Variants in PPP5C observed in about 807,000 individuals in gnomAD.
The protein encoded by PPP5C is protein phosphatase 5 catalytic subunit, also known as serine/threonine-protein phosphatase 5.
Under a neutral mutation model 66.7 loss-of-function variants are expected in PPP5C, and 21 were observed. That is an observed-to-expected ratio of 0.31 (90% CI 0.22 to 0.45). The LOEUF (loss-of-function observed/expected upper bound fraction) is 0.45, where lower values mean the gene tolerates loss of function less well. Among genes scored for constraint, PPP5C ranks in the 20% least tolerant of loss-of-function variants. The pLI, the probability that PPP5C is intolerant of heterozygous loss-of-function variation, is 1.00. For synonymous variants in PPP5C, 246 were observed against 257.4 expected (o/e 0.96, Z 0.43); for missense variants, 464 against 675.9 (o/e 0.69, Z 3.48).
chr19:46,386,845 C>T lies in PPP5C; in HGVS notation c.905-248C>T, dbSNP rs570841012. 43 of 571,890 alleles carry T rather than the reference C, an allele frequency of 7.5e-5. No individual in the cohort carries two copies. In the South Asian group the frequency reaches 8.1e-4, roughly 11 times the overall value. 35.4% of individuals were successfully genotyped at this position (571,890 alleles called of 1,614,324 possible). On this transcript the variant is annotated intron_variant, in intron 7 of 12. Transcript: ENST00000012443. Reference sequence around the variant, plus strand: ...CAGGCTGGTCTCAAATTGCTGGGCTCAAGCAGTTCTGCCTTGGCTTCCCAA... The same window carrying T: ...CAGGCTGGTCTCAAATTGCTGGGCTTAAGCAGTTCTGCCTTGGCTTCCCAA...
chr19:46,389,691 T>A (rs1032247415), intron 11 of PPP5C, among the ~76,000 whole-genome samples: 1 of 151,978 alleles, frequency 6.6e-6, no homozygotes, highest in East Asian at 1.9e-4. Context: ...GCTGACTGCA[T>A]CCCCGTGGTG....
At chr19:46,384,777 C>T in intron 6 of PPP5C, 27 bp from the exon 7 acceptor site, 1 of 1,573,600 alleles carries the variant, frequency 6.4e-7, no homozygotes, top group South Asian at 1.1e-5. Flanking sequence ...CCCCTCCACG[C>T]TTGCCATGTT....
Position 46,376,405 on chromosome 19 carries a change from A to T in PPP5C, c.512-48A>T. On this transcript the variant is annotated intron_variant, in intron 3 of 12. Coordinates refer to ENST00000012443, the MANE Select transcript of PPP5C (RefSeq NM_006247.4). This position sits in a 1 kb window ranked among gnomAD's most constrained non-coding sequence, Gnocchi z 5.1. The stretch of plus-strand genomic sequence containing the variant: ...TGGGAGCGAGACCCCCTTCTCCCTC[A>T]TAGTGGCTGTGGTCACTGACTCTCG... 6.2e-7 allele frequency: 1 copy of T among 1,604,016 alleles called. No homozygotes were observed. The highest frequency in any genetic ancestry group is 8.5e-7 in the Non-Finnish European group (1 of 1,173,800).
rs1399578291 is a variant in PPP5C at position 46,376,832 on chromosome 19, G to T, written c.633+258G>T. 4 of 405,736 alleles carry T rather than the reference G, an allele frequency of 9.9e-6. No individual in the cohort carries two copies. In the East Asian group the frequency reaches 2.1e-4, roughly 21 times the overall value. 25.1% of individuals were successfully genotyped at this position (405,736 alleles called of 1,614,324 possible). On this transcript the variant is annotated intron_variant, in intron 4 of 12. Transcript: ENST00000012443. This position sits in a 1 kb window ranked among gnomAD's most constrained non-coding sequence, Gnocchi z 5.1. ...CCAGAGAGGTCAGGTGACTGGCCCA[G>T]GGTGAAAGGTGAGGAAGCAGTAGAG...
chr19:46,361,350 C>T (rs1415653244), intron 2 of PPP5C, among the ~76,000 whole-genome samples: 2 of 149,796 alleles, frequency 1.3e-5, no homozygotes, highest in Admixed American at 6.6e-5. Context: ...AGGATGGTCT[C>T]AATCTCTTGA....
At chr19:46,387,602 G>A in intron 9 of PPP5C, 149 bp downstream of exon 9, 1 of 1,542,680 alleles carries the variant, frequency 6.5e-7, no homozygotes, top group Non-Finnish European at 8.7e-7. Context: ...CCTGCGACTT[G>A]GGCCAGTGCA....
At chr19:46,386,019 G>A (rs546504987) in intron 7 of PPP5C, among the ~76,000 whole-genome samples, 81 of 152,236 alleles carry the variant, frequency 5.3e-4, no homozygotes, top group African/African-American at 1.9e-3. Context: ...ACACAGGTGT[G>A]AGACAAAGAG....
chr19:46,387,810 C>A, intron 9 of PPP5C: 1 of 1,066,404 alleles, frequency 9.4e-7, no homozygotes, highest in Non-Finnish European at 1.2e-6. Context: ...CACGCACGTG[C>A]ACACTGTGAG....
intron 2 of PPP5C, among the ~76,000 whole-genome samples, chr19:46,374,047 A>G (rs1972646304): frequency 6.6e-6 from 1 of 151,726 alleles, no homozygotes; most frequent in South Asian, 2.1e-4. Context: ...GCACATAACC[A>G]CTCCTCATTG....
chr19:46,385,449 G>A (rs1972865916), intron 7 of PPP5C, among the ~76,000 whole-genome samples: 1 of 152,142 alleles, frequency 6.6e-6, no homozygotes, highest in Admixed American at 6.5e-5. Flanking sequence ...TTTGAGACCA[G>A]CCTGGGCAAC....
rs895774974 is a variant in PPP5C at position 46,388,338 on chromosome 19, G to C, written c.1136-70G>C. 9 of 1,516,128 alleles carry C rather than the reference G, an allele frequency of 5.9e-6. No individual in the cohort carries two copies. Among genetic ancestry groups the C allele is most frequent in the Non-Finnish European group, 7.2e-6 (8 of 1,117,300 alleles). The allele number at this position is 1,516,128 out of a possible 1,614,324, so 93.9% of individuals were successfully genotyped here. On this transcript the variant is annotated intron_variant, in intron 9 of 12. Transcript: ENST00000012443. This position sits in a 1 kb window ranked among gnomAD's most constrained non-coding sequence, Gnocchi z 4.9. ...TGGGGTCAGCACCTGGCCGGGCCAG[G>C]AGGTGGCCTGTGAGTGACCACCCCC... is the stretch of plus-strand genomic sequence containing the variant.
In PPP5C at chr19:46,390,396, A is replaced by G. The variant is rs1836653456; in HGVS notation, c.*50A>G. ...CCCAGGGCCCCTCCAATCCCACCGG[A>G]CCCAGGCCCTGGGCTAGGGGCAGAG... On this transcript the variant is annotated 3_prime_UTR_variant, in exon 13 of 13. Coordinates refer to ENST00000012443, the MANE Select transcript of PPP5C (RefSeq NM_006247.4). The G allele has an allele frequency of 6.4e-7, 1 of 1,551,306 alleles. No homozygotes were observed. The highest frequency in any genetic ancestry group is 8.7e-7 in the Non-Finnish European group (1 of 1,147,400).
At chr19:46,386,531 A>G (rs879932172) in intron 7 of PPP5C, among the ~76,000 whole-genome samples, 5 of 151,666 alleles carry the variant, frequency 3.3e-5, no homozygotes, top group Non-Finnish European at 7.4e-5. Flanking sequence ...GGAAGGGAAG[A>G]AGGAGGCCGG....
rs193182572 is a variant in PPP5C at position 46,390,533 on chromosome 19, G to A, written c.*187G>A. ...GGCAGAGTCAGGGGCTGGCCAGAGG[G>A]TCTGCTCCCTGGACAGAGAGGAAGG... is the stretch of plus-strand genomic sequence containing the variant. On this transcript the variant is annotated 3_prime_UTR_variant, in exon 13 of 13. Transcript: ENST00000012443. The A allele has an allele frequency of 1.4e-6, 2 of 1,438,408 alleles. No homozygotes were observed. Among genetic ancestry groups the A allele is most frequent in the African/African-American group, 2.8e-5 (2 of 70,286 alleles). 89.1% of individuals were successfully genotyped at this position (1,438,408 alleles called of 1,614,324 possible).
intron 2 of PPP5C, among the ~76,000 whole-genome samples, chr19:46,360,753 C>T (rs1047940041): frequency 4.6e-5 from 7 of 152,164 alleles, no homozygotes; most frequent in Non-Finnish European, 8.8e-5. Flanking sequence ...GCTTCAGCCT[C>T]CCAAAGTGCC....
Position 46,387,457 on chromosome 19 carries a change from AGCAGCGCGGG to A in PPP5C, c.1135+7_1135+16del. On this transcript the variant is annotated splice_donor_5th_base_variant and intron_variant, in intron 9 of 12. Transcript: ENST00000012443. ...AATCGACAACCCCCAGATTCAGGTG[AGCAGCGCGGG>A]GCCAGGTGTCTCCAGCAGAAAGGGG... 6.2e-7 allele frequency: 1 copy of A among 1,614,028 alleles called. No individual in the cohort carries two copies. The highest frequency in any genetic ancestry group is 8.5e-7 in the Non-Finnish European group (1 of 1,179,898).
At chr19:46,347,563 C>T (rs1972105290) in intron 1 of PPP5C, among the ~76,000 whole-genome samples, 1 of 148,194 alleles carries the variant, frequency 6.7e-6, no homozygotes. Context: ...ATTGATGGCG[C>T]TACCAAATGG....
chr19:46,386,709 C>T, intron 7 of PPP5C: 1 of 279,926 alleles, frequency 3.6e-6, no homozygotes, highest in South Asian at 4.3e-5. Context: ...GCTTCGTGGG[C>T]TCAAGTGATC....
At position 46,377,368 on chromosome 19, in the gene PPP5C, G is replaced by T. The variant is rs185194569; in HGVS notation, c.633+794G>T. Among the ~76,000 whole-genome samples the T allele has an allele frequency of 1.7e-4, 26 of 152,342 alleles. No homozygotes were observed. The East Asian group carries it at 3.3e-3, about 19-fold the overall frequency. ...CATACTGTCTCCACCAAGGGCTGTT[G>T]TAAGGAGTAACTGCGTGTAATCCAC... is the stretch of plus-strand genomic sequence containing the variant. On this transcript the variant is annotated intron_variant, in intron 4 of 12. Coordinates refer to ENST00000012443, the MANE Select transcript of PPP5C (RefSeq NM_006247.4).
Sources: allele counts gnomAD v4.1 joint callset (sites outside exome capture counted in the v4.1 genomes callset), GRCh38; gene constraint gnomAD v4.1.1; non-coding constraint Gnocchi (gnomAD v3.1); transcripts MANE v1.5; gene names NCBI Gene and HGNC (gene_info 2026-07-23, HGNC 2026-07-21).